Variants in IARS1 observed in about 807,000 individuals in gnomAD.
IARS1 encodes the protein isoleucine--tRNA ligase, cytoplasmic.
Under a neutral mutation model 168.2 loss-of-function variants are expected in IARS1, and 124 were observed. That is an observed-to-expected ratio of 0.74 (90% CI 0.64 to 0.86). The LOEUF is 0.86. Among genes scored for constraint, IARS1 ranks in the 40% least tolerant of loss-of-function variants. The probability of loss-of-function intolerance (pLI) is 0.00; values close to 1 mark genes in which losing one functional copy is unlikely to be tolerated. For synonymous variants in IARS1, 532 were observed against 529.4 expected (o/e 1.00, Z -0.07); for missense variants, 1,452 against 1,515.8 (o/e 0.96, Z 0.70).
At position 92,241,448 on chromosome 9, in the gene IARS1, C is replaced by T. The variant is rs145587529; in HGVS notation, c.3178-487G>A. On this transcript the variant is annotated intron_variant, in intron 29 of 33. Coordinates refer to ENST00000443024, the MANE Select transcript of IARS1 (RefSeq NM_002161.6). Reference sequence around the variant, plus strand: ...GCAACCTCCACCTCCTGTGTTCAAGCGATTCTTCTGCCTCAGCCTCCCGAG... The same window carrying T: ...GCAACCTCCACCTCCTGTGTTCAAGTGATTCTTCTGCCTCAGCCTCCCGAG... Among the ~76,000 whole-genome samples, 939 of 152,186 alleles carry T rather than the reference C, an allele frequency of 6.2e-3. 13 individuals are homozygous for T. The highest frequency in any genetic ancestry group is 7.6e-3 in the African/African-American group (315 of 41,528).
intron 30 of IARS1, among the ~76,000 whole-genome samples, chr9:92,230,691 G>A (rs900463466): frequency 6.6e-6 from 1 of 152,112 alleles, no homozygotes; most frequent in Admixed American, 6.6e-5. Context: ...TGATACTGCC[G>A]AACTATTTTC....
chr9:92,252,933 C>A (rs571854958), intron 21 of IARS1, among the ~76,000 whole-genome samples: 2 of 152,142 alleles, frequency 1.3e-5, no homozygotes, highest in South Asian at 4.1e-4. Context: ...TCATCCTAAA[C>A]CCCCAACAGC....
intron 6 of IARS1, among the ~76,000 whole-genome samples, chr9:92,283,699 A>G (rs1202840398): frequency 6.6e-6 from 1 of 152,200 alleles, no homozygotes; most frequent in Non-Finnish European, 1.5e-5. Context: ...TACTTGTTAT[A>G]TAACCAACTG....
At chr9:92,281,945 CA>C (rs1159616359) in intron 6 of IARS1, among the ~76,000 whole-genome samples, 2 of 152,080 alleles carry the variant, frequency 1.3e-5, no homozygotes, top group African/African-American at 2.4e-5. Flanking sequence ...ATGAAGCACA[CA>C]ATGTAGGTCT....
intron 5 of IARS1, 55 bp downstream of exon 5, chr9:92,286,481 T>C: frequency 1.1e-6 from 1 of 917,484 alleles, no homozygotes; most frequent in Non-Finnish European, 1.7e-6. Context: ...TTTTTCCAAT[T>C]ATCAATACAA....
At chr9:92,230,410 G>A (rs1378256752) in intron 30 of IARS1, among the ~76,000 whole-genome samples, 1 of 152,120 alleles carries the variant, frequency 6.6e-6, no homozygotes, top group African/African-American at 2.4e-5. Context: ...ACTGTGCCTG[G>A]CCTCAGTTGG....
chr9:92,255,714 A>C (rs1830621506), intron 20 of IARS1, among the ~76,000 whole-genome samples: 1 of 152,208 alleles, frequency 6.6e-6, no homozygotes, highest in Non-Finnish European at 1.5e-5. Flanking sequence ...CAGCTACTTT[A>C]TGTAAATCGT....
intron 16 of IARS1, among the ~76,000 whole-genome samples, chr9:92,263,325 C>A (rs886064978): frequency 2.6e-5 from 4 of 152,154 alleles, no homozygotes; most frequent in African/African-American, 4.8e-5. Flanking sequence ...AGCCACATGG[C>A]AGCACTGGGT....
chr9:92,280,856 A>C lies in IARS1; in HGVS notation c.635T>G (p.Leu212Trp). ...QDPSVFVTFP[L>W]EEDETVSLVA... ...TAAAGATACAGTTTCATCTTCTTCCAAAGGGAAAGTTACAAATACTGAAGG... is the reference window on the plus strand; with the variant it reads ...TAAAGATACAGTTTCATCTTCTTCCCAAGGGAAAGTTACAAATACTGAAGG... The change falls in exon 7 of 34, where the codon TTG becomes TGG. Residue 212 changes from leucine to tryptophan, a missense_variant. Leu to Trp is a moderately conservative substitution (Grantham distance 61, BLOSUM62 -2). Transcript: ENST00000443024. The C allele has an allele frequency of 1.2e-6, 2 of 1,611,594 alleles. No homozygotes were observed. Among genetic ancestry groups the C allele is most frequent in the Non-Finnish European group, 1.7e-6 (2 of 1,177,940 alleles).
intron 12 of IARS1, among the ~76,000 whole-genome samples, chr9:92,270,301 A>G (rs1832834983): frequency 1.3e-5 from 2 of 152,248 alleles, no homozygotes; most frequent in Admixed American, 6.5e-5. Flanking sequence ...GCAACTGAAC[A>G]TTTCATTTTC....
intron 17 of IARS1, among the ~76,000 whole-genome samples, chr9:92,260,552 G>A (rs1831376977): frequency 1.3e-5 from 2 of 152,162 alleles, no homozygotes; most frequent in Non-Finnish European, 2.9e-5. Flanking sequence ...CTACTGGGGA[G>A]GCTGAGGCAG....
At chr9:92,213,978 A>C (rs1215720109) in intron 33 of IARS1, among the ~76,000 whole-genome samples, 1 of 151,836 alleles carries the variant, frequency 6.6e-6, no homozygotes, top group Non-Finnish European at 1.5e-5. Flanking sequence ...TGTCCAGCTA[A>C]TTTTAGTAGA....
chr9:92,277,140 C>A (rs928312281), intron 9 of IARS1, among the ~76,000 whole-genome samples: 1 of 152,132 alleles, frequency 6.6e-6, no homozygotes, highest in Non-Finnish European at 1.5e-5. Flanking sequence ...AAAATCCAAT[C>A]AAATGTAAAA....
intron 4 of IARS1, among the ~76,000 whole-genome samples, 158 bp from the exon 5 acceptor site, chr9:92,286,776 G>A (rs2133984478): frequency 6.6e-6 from 1 of 152,230 alleles, no homozygotes; most frequent in Middle Eastern, 3.4e-3. Context: ...TATTATGTAA[G>A]GTTAAGAACC....
chr9:92,240,607 T>C, intron 30 of IARS1: 1 of 692,072 alleles, frequency 1.4e-6, no homozygotes, highest in Non-Finnish European at 2.6e-6. Flanking sequence ...TTGGCAAGGT[T>C]AGTCTTGAAC....
chr9:92,263,277 TTC>T (rs1212401391), intron 16 of IARS1, among the ~76,000 whole-genome samples: 1 of 152,190 alleles, frequency 6.6e-6, no homozygotes, highest in African/African-American at 2.4e-5. Context: ...TACTGACCAT[TTC>T]TCTGTTACCA....
At chr9:92,273,132 CAAA>C (rs532773984) in intron 10 of IARS1, among the ~76,000 whole-genome samples, 2 of 64,052 alleles carry the variant, frequency 3.1e-5, no homozygotes, top group Non-Finnish European at 3.4e-5. Flanking sequence ...ACTCCCATCT[CAAA>C]AAAAAAAAAA....
At position 92,229,137 on chromosome 9, in the gene IARS1, A is replaced by G. The variant is rs1433841158; in HGVS notation, c.3284-11T>C. The G allele has an allele frequency of 6.2e-7, 1 of 1,610,148 alleles. No individual in the cohort carries two copies. The highest frequency in any genetic ancestry group is 1.3e-5 in the African/African-American group (1 of 74,732). On this transcript the variant is annotated splice_polypyrimidine_tract_variant and intron_variant, in intron 30 of 33. Transcript: ENST00000443024. ...GGAGCAATACTCCACCTAAAAAGCC[A>G]CAAAAATAACACCTCAATCAGACAA...
At chr9:92,223,698 T>C (rs974663860) in intron 31 of IARS1, among the ~76,000 whole-genome samples, 2 of 152,230 alleles carry the variant, frequency 1.3e-5, no homozygotes, top group East Asian at 1.9e-4. Flanking sequence ...ACAAACATCA[T>C]AATATTCATA....
Sources: gnomAD v4.1 joint callset for allele counts (sites outside exome capture counted in the v4.1 genomes callset) on GRCh38, gnomAD v4.1.1 for gene constraint, MANE v1.5 for transcripts, NCBI Gene and HGNC (gene_info 2026-07-23, HGNC 2026-07-21) for gene names.